Variants in GREB1L observed in about 807,000 individuals in gnomAD.
GREB1L encodes GREB1-like protein.
In GREB1L, 17 loss-of-function variants were observed where a neutral mutation model predicts 200.8. That is an observed-to-expected ratio of 0.08 (90% confidence interval 0.06 to 0.13). The LOEUF is 0.13. GREB1L is among the 10% of genes least tolerant of loss of function. The pLI, the probability that GREB1L is intolerant of heterozygous loss-of-function variation, is 1.00. For synonymous variants in GREB1L, 789 were observed against 893.0 expected, an observed-to-expected ratio of 0.88 and a Z score of 2.08; for missense variants, 1,657 against 2,367.7, an observed-to-expected ratio of 0.70 and a Z score of 6.23.
intron 5 of GREB1L, among the ~76,000 whole-genome samples, chr18:21,397,115 G>T (rs1000788848): frequency 3.3e-5 from 5 of 152,074 alleles, no homozygotes; most frequent in African/African-American, 1.2e-4. Flanking sequence ...CTTTATAGAA[G>T]TTCCTTAAAT....
intron 32 of GREB1L, among the ~76,000 whole-genome samples, chr18:21,522,203 T>G (rs2037615338): frequency 6.6e-6 from 1 of 152,022 alleles, no homozygotes; most frequent in African/African-American, 2.4e-5. Flanking sequence ...CTGGGCGCAG[T>G]GGCTCACACC....
At chr18:21,335,802 T>C (rs577551403) in intron 1 of GREB1L, among the ~76,000 whole-genome samples, 1 of 152,112 alleles carries the variant, frequency 6.6e-6, no homozygotes, top group African/African-American at 2.4e-5. Flanking sequence ...TGGCTGGGAC[T>C]ACAGGCGCCT....
intron 1 of GREB1L, among the ~76,000 whole-genome samples, chr18:21,281,232 G>A (rs2038264117): frequency 6.6e-6 from 1 of 152,200 alleles, no homozygotes; most frequent in African/African-American, 2.4e-5. Flanking sequence ...CTGCCTTTGG[G>A]GAGGTGGTGT....
intron 27 of GREB1L, among the ~76,000 whole-genome samples, chr18:21,512,715 G>T (rs778313041): frequency 2.6e-5 from 4 of 151,922 alleles, no homozygotes. Context: ...GGTAAAAGTG[G>T]CATCCTTGTC....
At chr18:21,457,974 T>TG (rs1352996768) in intron 15 of GREB1L, among the ~76,000 whole-genome samples, 6 of 150,736 alleles carry the variant, frequency 4.0e-5, no homozygotes, top group African/African-American at 1.5e-4. Context: ...GTTTTTTTTT[T>TG]TTTTTTTTTT....
chr18:21,363,279 T>TCCC, intron 1 of GREB1L, among the ~76,000 whole-genome samples: 1 of 5,022 alleles, frequency 2.0e-4, no homozygotes, highest in Non-Finnish European at 3.6e-4. Flanking sequence ...CCACTCCGCC[T>TCCC]CCCCCCCGCC....
chr18:21,443,765 T>C (rs1328369847), intron 10 of GREB1L, among the ~76,000 whole-genome samples: 2 of 152,206 alleles, frequency 1.3e-5, no homozygotes, highest in African/African-American at 2.4e-5. Flanking sequence ...GTCCCTCATA[T>C]AAAATGGCAC....
At chr18:21,385,408 G>A (rs16941394) in intron 4 of GREB1L, among the ~76,000 whole-genome samples, 1,769 of 150,296 alleles carry the variant, frequency 0.012, 90 homozygotes, top group Admixed American at 0.094. Context: ...AAACCGTAAA[G>A]GAGTCAAAAT....
chr18:21,254,981 A>G (rs1466012018), intron 1 of GREB1L, among the ~76,000 whole-genome samples: 1 of 152,230 alleles, frequency 6.6e-6, no homozygotes, highest in Non-Finnish European at 1.5e-5. Flanking sequence ...GATGTAGAAT[A>G]TTCAAGATTT....
At chr18:21,443,225 C>G (rs928658304) in intron 10 of GREB1L, among the ~76,000 whole-genome samples, 1 of 150,458 alleles carries the variant, frequency 6.6e-6, no homozygotes, top group African/African-American at 2.5e-5. Flanking sequence ...GTTTTTGAGA[C>G]GGAGTCTCTC....
chr18:21,376,639 C>G (rs1346935982), intron 2 of GREB1L, among the ~76,000 whole-genome samples: 1 of 150,788 alleles, frequency 6.6e-6, no homozygotes, highest in African/African-American at 2.4e-5. Context: ...CCCATCTCTA[C>G]TAAAAACACA....
intron 4 of GREB1L, among the ~76,000 whole-genome samples, chr18:21,394,708 T>A (rs184529166): frequency 6.6e-6 from 1 of 152,112 alleles, no homozygotes; most frequent in Non-Finnish European, 1.5e-5. Flanking sequence ...ATTCTGACAC[T>A]GTACCCATCT....
intron 27 of GREB1L, among the ~76,000 whole-genome samples, chr18:21,509,228 C>G (rs758362303): frequency 6.6e-6 from 1 of 152,348 alleles, no homozygotes; most frequent in African/African-American, 2.4e-5. Flanking sequence ...TCAGGCAGGA[C>G]ATCTCTAACT....
chr18:21,424,830 C>T (rs2032434368), intron 7 of GREB1L, among the ~76,000 whole-genome samples: 1 of 152,158 alleles, frequency 6.6e-6, no homozygotes, highest in Non-Finnish European at 1.5e-5. Context: ...CATCCCTTTC[C>T]TCAGCCCCTG....
At chr18:21,263,322 T>G (rs985256561) in intron 1 of GREB1L, among the ~76,000 whole-genome samples, 49 of 152,228 alleles carry the variant, frequency 3.2e-4, no homozygotes, top group Non-Finnish European at 8.8e-5. Context: ...GTCACTATCC[T>G]TGTCTTCGTC....
At chr18:21,364,672 T>C (rs1275978137) in intron 1 of GREB1L, among the ~76,000 whole-genome samples, 2 of 152,158 alleles carry the variant, frequency 1.3e-5, no homozygotes, top group Non-Finnish European at 2.9e-5. Flanking sequence ...TTTAAGAGAA[T>C]GTGTGCAGCC....
chr18:21,409,682 A>G (rs1295189307), intron 7 of GREB1L, among the ~76,000 whole-genome samples: 1 of 152,154 alleles, frequency 6.6e-6, no homozygotes, highest in Non-Finnish European at 1.5e-5. Context: ...CAGATGGTAA[A>G]CAGCACAGGG....
intron 7 of GREB1L, among the ~76,000 whole-genome samples, chr18:21,426,841 C>A (rs2032620984): frequency 6.6e-6 from 1 of 151,750 alleles, no homozygotes; most frequent in Non-Finnish European, 1.5e-5. Context: ...CACCTGTAGT[C>A]CCAGCTACTC....
chr18:21,333,092 ACGCGCG>A (rs1318005450), intron 1 of GREB1L, among the ~76,000 whole-genome samples: 2 of 151,122 alleles, frequency 1.3e-5, no homozygotes, highest in East Asian at 2.0e-4. Context: ...ATACACACAC[ACGCGCG>A]CGCGCGCGCG....
Sources: gnomAD v4.1 joint callset for allele counts (sites outside exome capture counted in the v4.1 genomes callset) on GRCh38, gnomAD v4.1.1 for gene constraint, MANE v1.5 for transcripts, NCBI Gene and HGNC (gene_info 2026-07-23, HGNC 2026-07-21) for gene names.